Variants in DLGAP1 observed in about 807,000 individuals in gnomAD.
DLGAP1 encodes DLG associated protein 1, also known as disks large-associated protein 1.
DLGAP1 carries 11 observed loss-of-function variants against 90.8 expected under a neutral mutation model. The observed-to-expected ratio is 0.12, with a 90% CI of 0.08 to 0.20. The LOEUF is 0.20. DLGAP1 is among the 10% of genes least tolerant of loss of function. The pLI is 1.00. For missense variants in DLGAP1, 1,050 were observed against 1,333.8 expected, an observed-to-expected ratio of 0.79 and a Z score of 3.31; for synonymous variants, 558 against 540.7, an observed-to-expected ratio of 1.03 and a Z score of -0.44.
At chr18:4,299,188 A>T (rs2080064836) in intron 1 of DLGAP1, among the ~76,000 whole-genome samples, 1 of 152,006 alleles carries the variant, frequency 6.6e-6, no homozygotes, top group South Asian at 2.1e-4. Flanking sequence ...TTTATGCTTT[A>T]ATAAGCCATT....
At position 3,742,528 on chromosome 18, in the gene DLGAP1, G is replaced by A; in HGVS notation, c.1173-16C>T. On this transcript the variant is annotated splice_polypyrimidine_tract_variant and intron_variant, in intron 5 of 12. Coordinates refer to ENST00000315677, the MANE Select transcript of DLGAP1 (RefSeq NM_004746.4). The stretch of plus-strand genomic sequence containing the variant: ...ATTGGAGATTCTGGAAGGGAACAAT[G>A]GAAGAGGTGCATTAGTCACATTCCA... 1 of 1,613,586 alleles carries A rather than the reference G, an allele frequency of 6.2e-7. No homozygotes were observed. Among genetic ancestry groups the A allele is most frequent in the South Asian group, 1.1e-5 (1 of 91,048 alleles).
At chr18:4,283,599 T>G (rs2079607005) in intron 1 of DLGAP1, among the ~76,000 whole-genome samples, 1 of 152,144 alleles carries the variant, frequency 6.6e-6, no homozygotes, top group African/African-American at 2.4e-5. Flanking sequence ...GTACAACTTA[T>G]AAAGGGAGAG....
intron 3 of DLGAP1, chr18:3,962,408 T>C (rs1040323344): frequency 6.6e-6 from 1 of 152,198 alleles, no homozygotes; most frequent in Non-Finnish European, 1.5e-5. Context: ...AAACATCTCA[T>C]CCTACCTGCT....
intron 2 of DLGAP1, among the ~76,000 whole-genome samples, chr18:4,054,160 G>C (rs954480774): frequency 1.3e-5 from 2 of 152,154 alleles, no homozygotes; most frequent in African/African-American, 2.4e-5. Flanking sequence ...CTCGCTCCCT[G>C]ATCTTTTAGG....
chr18:4,131,632 A>G (rs1039043967), intron 2 of DLGAP1, among the ~76,000 whole-genome samples: 1 of 152,188 alleles, frequency 6.6e-6, no homozygotes, highest in Non-Finnish European at 1.5e-5. Context: ...CTAGAGGACA[A>G]TGCTCAATAA....
chr18:3,945,790 G>GAA (rs11400201), intron 3 of DLGAP1, among the ~76,000 whole-genome samples: 14 of 151,928 alleles, frequency 9.2e-5, no homozygotes, highest in Admixed American at 5.2e-4. Context: ...AATAATAAAA[G>GAA]AAAAAAAAGA....
chr18:3,949,305 G>A (rs911885274), intron 3 of DLGAP1, among the ~76,000 whole-genome samples: 2 of 152,140 alleles, frequency 1.3e-5, no homozygotes, highest in Non-Finnish European at 2.9e-5. Context: ...GGGAGGCTTG[G>A]TGGGAGCAAG....
intron 3 of DLGAP1, among the ~76,000 whole-genome samples, chr18:3,995,985 A>G (rs1599291616): frequency 6.6e-6 from 1 of 152,262 alleles, no homozygotes; most frequent in Non-Finnish European, 1.5e-5. Flanking sequence ...ATTTTTGAGC[A>G]CCTATTATGT....
Position 3,950,910 on chromosome 18 carries a change from G to A in DLGAP1, c.-73+54206C>T, listed in dbSNP as rs187449983. On this transcript the variant is annotated intron_variant, in intron 3 of 12. Transcript: ENST00000315677. ...AGGTATTGATATGAATGAACTATAC[G>A]GGCTGACAGTTATCTATGGTCAAGG... 1.6e-3 allele frequency among the ~76,000 whole-genome samples: 241 copies of A among 152,290 alleles called. 2 individuals carry two copies. Among genetic ancestry groups the A allele is most frequent in the African/African-American group, 5.3e-3 (220 of 41,554 alleles).
At chr18:3,903,446 T>C (rs1218257457) in intron 3 of DLGAP1, among the ~76,000 whole-genome samples, 1 of 152,220 alleles carries the variant, frequency 6.6e-6, no homozygotes, top group African/African-American at 2.4e-5. Context: ...GAGATAACAT[T>C]ACAAGCATAA....
intron 5 of DLGAP1, among the ~76,000 whole-genome samples, chr18:3,752,925 T>A (rs987345928): frequency 4.6e-5 from 7 of 152,270 alleles, no homozygotes; most frequent in Admixed American, 3.9e-4. Context: ...TGTCCATTCA[T>A]CAGTTGATGG....
chr18:4,167,763 C>A (rs2076955619), intron 1 of DLGAP1, among the ~76,000 whole-genome samples: 1 of 152,062 alleles, frequency 6.6e-6, no homozygotes, highest in Non-Finnish European at 1.5e-5. Context: ...GGATACAAGA[C>A]CAATAGACAA....
At chr18:3,823,390 A>C (rs1445868060) in intron 4 of DLGAP1, among the ~76,000 whole-genome samples, 1 of 152,206 alleles carries the variant, frequency 6.6e-6, no homozygotes, top group African/African-American at 2.4e-5. Flanking sequence ...CATCTAATAC[A>C]CAAACATAAT....
rs1007487404 is a variant in DLGAP1, at chr18:3,727,843, G to C, written c.1591+1292C>G. 11 of 152,132 alleles carry C rather than the reference G, an allele frequency of 7.2e-5. No homozygotes were observed. Among genetic ancestry groups the C allele is most frequent in the African/African-American group, 2.4e-4 (10 of 41,440 alleles). The allele number at this position is 152,132 out of a possible 1,614,324, so 9.4% of individuals were successfully genotyped here. On this transcript the variant is annotated intron_variant, in intron 7 of 12. Transcript: ENST00000315677. The surrounding 1 kb of genome is among the most constrained non-coding windows in gnomAD (Gnocchi z 4.7). ...ATCTACCATCTCTGGTCTGGAGGTA[G>C]CCAGCCAGGGTCTGAGCTGCTGGGC...
chr18:4,310,794 T>G (rs187799835), intron 1 of DLGAP1, among the ~76,000 whole-genome samples: 20 of 152,322 alleles, frequency 1.3e-4, no homozygotes, highest in Admixed American at 1.2e-3. Context: ...TTATTCTGTA[T>G]GCCAAAAGGT....
chr18:3,694,979 G>C (rs550155433), intron 7 of DLGAP1, among the ~76,000 whole-genome samples: 2,935 of 144,066 alleles, frequency 0.02, 107 homozygotes, highest in African/African-American at 0.071. Context: ...TTGTTCTGTC[G>C]CCCAGACTGG....
intron 2 of DLGAP1, among the ~76,000 whole-genome samples, chr18:4,073,756 G>T (rs970738735): frequency 2.6e-5 from 4 of 152,158 alleles, no homozygotes; most frequent in Middle Eastern, 3.4e-3. Context: ...GATAGGAGAA[G>T]ATATTTAGAT....
intron 7 of DLGAP1, among the ~76,000 whole-genome samples, chr18:3,585,141 C>G (rs1231016841): frequency 1.3e-5 from 2 of 152,180 alleles, no homozygotes; most frequent in Non-Finnish European, 2.9e-5. Context: ...AAATACGACT[C>G]AGGGAAAATA....
chr18:3,625,972 A>C (rs1314012585), intron 7 of DLGAP1, among the ~76,000 whole-genome samples: 5 of 152,220 alleles, frequency 3.3e-5, no homozygotes, highest in Non-Finnish European at 7.3e-5. Flanking sequence ...AGGGACAGAA[A>C]GTAGACTTGT....
Sources: allele counts gnomAD v4.1 joint callset (sites outside exome capture counted in the v4.1 genomes callset), GRCh38; gene constraint gnomAD v4.1.1; non-coding constraint Gnocchi (gnomAD v3.1); transcripts MANE v1.5; gene names NCBI Gene and HGNC (gene_info 2026-07-23, HGNC 2026-07-21).